Variants in SEMA5A observed in about 807,000 individuals in gnomAD.
The protein encoded by SEMA5A is semaphorin-5A.
SEMA5A carries 55 observed loss-of-function variants against 135.5 expected under a neutral mutation model. That is an observed-to-expected ratio of 0.41 (90% CI 0.33 to 0.51). SEMA5A has a LOEUF of 0.51. Ranked by LOEUF, SEMA5A falls within the 20% of genes least tolerant of loss-of-function variation. The pLI, the probability that SEMA5A is intolerant of heterozygous loss-of-function variation, is 0.37. For synonymous variants in SEMA5A, 580 were observed against 546.5 expected (o/e 1.06, Z -0.85); for missense variants, 1,290 against 1,419.9 (o/e 0.91, Z 1.47).
At position 9,495,178 on chromosome 5, in the gene SEMA5A, C is replaced by T. The variant is rs183191924; in HGVS notation, c.-175+50406G>A. 3.2e-3 allele frequency among the ~76,000 whole-genome samples: 491 copies of T among 152,252 alleles called. 2 individuals carry two copies. In the South Asian group the frequency reaches 0.042, roughly 13 times the overall value. ...GTGTTCCTTCTAAGCCATAGGACTTCGATATCTTCAGGGATACCTGGCGTC... is the reference window on the plus strand; with the variant it reads ...GTGTTCCTTCTAAGCCATAGGACTTTGATATCTTCAGGGATACCTGGCGTC... On this transcript the variant is annotated intron_variant, in intron 1 of 22. Transcript: ENST00000382496.
At chr5:9,122,947 T>C in intron 13 of SEMA5A, 110 bp from the exon 14 acceptor site, 1 of 1,040,670 alleles carries the variant, frequency 9.6e-7, no homozygotes, top group Non-Finnish European at 1.3e-6. Context: ...TAGAATTTGT[T>C]GTTGTTGTTG....
intron 16 of SEMA5A, among the ~76,000 whole-genome samples, chr5:9,091,943 G>T (rs1249947010): frequency 6.6e-6 from 1 of 152,142 alleles, no homozygotes; most frequent in Non-Finnish European, 1.5e-5. Context: ...GAGAAGCCTG[G>T]CTCATGTACA....
intron 4 of SEMA5A, among the ~76,000 whole-genome samples, chr5:9,336,141 G>A (rs1753381033): frequency 6.6e-6 from 1 of 152,100 alleles, no homozygotes; most frequent in East Asian, 1.9e-4. Context: ...GGGGGTTGGT[G>A]GCAGCCAGTA....
chr5:9,327,259 C>T (rs907787666), intron 4 of SEMA5A, among the ~76,000 whole-genome samples: 8 of 152,118 alleles, frequency 5.3e-5, no homozygotes, highest in African/African-American at 1.9e-4. Context: ...GCTATCTCCT[C>T]AGTCAGAATT....
chr5:9,048,430 A>C (rs549415080), intron 21 of SEMA5A, among the ~76,000 whole-genome samples: 9 of 152,338 alleles, frequency 5.9e-5, no homozygotes, highest in Non-Finnish European at 7.4e-5. Context: ...GTAATGCTTC[A>C]TCAGTCATCT....
chr5:9,471,286 C>A (rs1268211561), intron 1 of SEMA5A, among the ~76,000 whole-genome samples: 1 of 152,130 alleles, frequency 6.6e-6, no homozygotes, highest in Non-Finnish European at 1.5e-5. Context: ...CCTACAGGAC[C>A]CTTCTTGGGA....
At chr5:9,264,934 A>G (rs1749602894) in intron 5 of SEMA5A, among the ~76,000 whole-genome samples, 2 of 152,292 alleles carry the variant, frequency 1.3e-5, no homozygotes, top group East Asian at 1.9e-4. Context: ...TTCTTTACCT[A>G]CTAAGTACAT....
chr5:9,215,967 C>A (rs535783689), intron 8 of SEMA5A, among the ~76,000 whole-genome samples: 5 of 152,250 alleles, frequency 3.3e-5, no homozygotes, highest in Non-Finnish European at 7.4e-5. Flanking sequence ...CCTTTAAACA[C>A]AGGCTATATA....
chr5:9,180,680 G>T (rs940371970), intron 11 of SEMA5A, among the ~76,000 whole-genome samples: 2 of 152,078 alleles, frequency 1.3e-5, no homozygotes, highest in Non-Finnish European at 2.9e-5. Context: ...GGTCTCTAAA[G>T]TCTTATGTAT....
chr5:9,044,622 A>T, intron 21 of SEMA5A, 38 bp from the exon 22 acceptor site: 1 of 1,549,816 alleles, frequency 6.5e-7, no homozygotes, highest in Non-Finnish European at 8.9e-7. Context: ...ACACTTGAAA[A>T]GAACATCCTG....
intron 18 of SEMA5A, among the ~76,000 whole-genome samples, chr5:9,057,106 G>C (rs1736933285): frequency 6.6e-6 from 1 of 152,154 alleles, no homozygotes; most frequent in South Asian, 2.1e-4. Flanking sequence ...GTAAAACGGT[G>C]GTTGCCAGGG....
At chr5:9,544,640 C>A (rs1237623835) in intron 1 of SEMA5A, among the ~76,000 whole-genome samples, 1 of 152,188 alleles carries the variant, frequency 6.6e-6, no homozygotes, top group Non-Finnish European at 1.5e-5. Flanking sequence ...AGCGCTCGCT[C>A]GCAGCGCCCC....
At chr5:9,146,095 C>G (rs2150240671) in intron 12 of SEMA5A, among the ~76,000 whole-genome samples, 1 of 152,276 alleles carries the variant, frequency 6.6e-6, no homozygotes, top group African/African-American at 2.4e-5. Context: ...CTTTGTAAAG[C>G]AGTTTCACGT....
chr5:9,055,169 C>A (rs923356599), intron 18 of SEMA5A, among the ~76,000 whole-genome samples: 1 of 152,114 alleles, frequency 6.6e-6, no homozygotes, highest in African/African-American at 2.4e-5. Context: ...AAACCAAGAC[C>A]TCATGTTGGC....
chr5:9,097,231 C>G (rs1236938924), intron 16 of SEMA5A, among the ~76,000 whole-genome samples: 1 of 152,122 alleles, frequency 6.6e-6, no homozygotes, highest in East Asian at 1.9e-4. Context: ...CCACACTTCC[C>G]TTATTTACAC....
At position 9,294,289 on chromosome 5, in the gene SEMA5A, AGCACCCCCAACCT is replaced by A. The variant is rs1424343277; in HGVS notation, c.270+24070_270+24082del. Among the ~76,000 whole-genome samples, 3 of 152,168 alleles carry A rather than the reference AGCACCCCCAACCT, an allele frequency of 2.0e-5. No individual in the cohort carries two copies. In the South Asian group the frequency reaches 6.2e-4, roughly 32 times the overall value. On this transcript the variant is annotated intron_variant, in intron 5 of 22. Transcript: ENST00000382496. ...GCATTAAGCCTACAGTATAAGCCCC[AGCACCCCCAACCT>A]GCCTCACTCTGTGGACTTGCACACA... is the stretch of plus-strand genomic sequence containing the variant.
At chr5:9,396,748 C>G (rs1223926191) in intron 2 of SEMA5A, among the ~76,000 whole-genome samples, 9 of 152,302 alleles carry the variant, frequency 5.9e-5, no homozygotes, top group Non-Finnish European at 1.0e-4. Context: ...CTGCAAGCCT[C>G]GGTTTTCTTC....
chr5:9,492,051 C>A (rs1402875744), intron 1 of SEMA5A, among the ~76,000 whole-genome samples: 1 of 152,148 alleles, frequency 6.6e-6, no homozygotes, highest in African/African-American at 2.4e-5. Context: ...ATTCCTTCAC[C>A]CAAAAGCTAT....
rs372737963 is a variant in SEMA5A, at chr5:9,252,092, T to A, written c.271-14202A>T. On this transcript the variant is annotated intron_variant, in intron 5 of 22. Transcript: ENST00000382496. ...ATCTCCCAGATTCCTAATTCCTTCC[T>A]GTCTCACCAGAGTTCTATTGACAGA... Among the ~76,000 whole-genome samples, 7 of 152,330 alleles carry A rather than the reference T, an allele frequency of 4.6e-5. No individual in the cohort carries two copies. The South Asian group carries it at 8.3e-4, about 18-fold the overall frequency.
Sources: allele counts gnomAD v4.1 joint callset (sites outside exome capture counted in the v4.1 genomes callset), GRCh38; gene constraint gnomAD v4.1.1; transcripts MANE v1.5; gene names NCBI Gene and HGNC (gene_info 2026-07-23, HGNC 2026-07-21).